Variants in GTF2H2 observed in about 807,000 individuals in gnomAD.
GTF2H2 encodes the protein general transcription factor IIH subunit 2.
Under a neutral mutation model 16.5 loss-of-function variants are expected in GTF2H2, and 2 were observed. The observed-to-expected ratio is 0.12, with a 90% CI of 0.05 to 0.38. The LOEUF is 0.38. GTF2H2 is among the 10% of genes least tolerant of loss of function. GTF2H2 has a pLI of 0.99. For missense variants in GTF2H2, 20 were observed against 137.0 expected (o/e 0.15, Z 4.26); for synonymous variants, 8 against 44.1 (o/e 0.18, Z 3.24).
intron 8 of GTF2H2, among the ~76,000 whole-genome samples, chr5:71,054,700 A>T (rs867112985): frequency 0.01 from 1,168 of 112,554 alleles, 3 homozygotes; most frequent in Admixed American, 0.012. Flanking sequence ...CTCGAAAAAA[A>T]ATATATATAT....
At chr5:71,053,386 A>G (rs1260733029) in intron 8 of GTF2H2, among the ~76,000 whole-genome samples, 1 of 140,954 alleles carries the variant, frequency 7.1e-6, no homozygotes, top group Non-Finnish European at 1.5e-5. Context: ...ACACTTATCA[A>G]TTAAGTCTGT....
At chr5:71,055,019 T>A (rs556914880) in intron 8 of GTF2H2, 2 of 166,626 alleles carry the variant, frequency 1.2e-5, no homozygotes, top group African/African-American at 5.3e-5. Flanking sequence ...AATAAATTAA[T>A]AAATGTTAAT....
intron 8 of GTF2H2, 138 bp downstream of exon 8, chr5:71,055,214 T>G: frequency 1.2e-6 from 1 of 808,814 alleles, no homozygotes; most frequent in South Asian, 2.5e-5. Flanking sequence ...ACACTAAACA[T>G]CATAAATAAC....
intron 7 of GTF2H2, chr5:71,058,236 C>A (rs1753417011): frequency 7.1e-6 from 1 of 140,272 alleles, no homozygotes. Context: ...TAGAAAACTG[C>A]TGGTAACTCG....
chr5:71,054,751 G>GTGTA (rs1297498366), intron 8 of GTF2H2, among the ~76,000 whole-genome samples: 3 of 126,986 alleles, frequency 2.4e-5, no homozygotes, highest in African/African-American at 9.4e-5. Flanking sequence ...GTGTGTGTGT[G>GTGTA]TATATATATA....
intron 7 of GTF2H2, chr5:71,059,328 T>C (rs1753498303): frequency 1.7e-5 from 1 of 60,554 alleles, no homozygotes; most frequent in African/African-American, 5.1e-5. Flanking sequence ...AGGCGGACTT[T>C]GCAGTGATCC....
rs761806429 is a variant in GTF2H2 at position 71,048,131 on chromosome 5, G to GA, written c.650-19dup. 3.7e-3 allele frequency: 1,939 copies of GA among 526,748 alleles called. 37 individuals carry two copies. The highest frequency in any genetic ancestry group is 5.7e-3 in the South Asian group (164 of 28,704). The allele number at this position is 526,748 out of a possible 1,614,324, so 32.6% of individuals were successfully genotyped here. A position where few individuals can be genotyped will look rare whatever the true frequency, so the allele number is the denominator to read the frequency against. Reference sequence around the variant, plus strand: ...GTACGTGCCTAACAAGATGAAAAGGGAAAAAAAAACACCTTCATAGACATA... The same window carrying GA: ...GTACGTGCCTAACAAGATGAAAAGGGAAAAAAAAAACACCTTCATAGACATA... On this transcript the variant is annotated intron_variant, in intron 10 of 15. Transcript: ENST00000274400.
chr5:71,046,268 CTAAT>C (rs1752338285), intron 11 of GTF2H2, among the ~76,000 whole-genome samples: 1 of 100,092 alleles, frequency 1.0e-5, no homozygotes, highest in African/African-American at 4.5e-5. Flanking sequence ...CTAAAGGACT[CTAAT>C]AAATAAATTA....
rs1406474471 is a variant in GTF2H2, at chr5:71,054,749, GTGTATA to G, written c.470+597_470+602del. ...TGTGTGTGTGTGTGTGTGTGTGTGT[GTGTATA>G]TATATAATAGATATATAAGCTTTAA... On this transcript the variant is annotated intron_variant, in intron 8 of 15. Transcript: ENST00000274400. Among the ~76,000 whole-genome samples the G allele has an allele frequency of 1.1e-4, 15 of 130,652 alleles. 1 individual carries two copies. The South Asian group carries it at 1.2e-3, about 10-fold the overall frequency. The allele number at this position is 130,652 out of a possible 152,430, so 85.7% of individuals were successfully genotyped here.
intron 14 of GTF2H2, among the ~76,000 whole-genome samples, chr5:71,039,525 C>G (rs1751944659): frequency 7.1e-6 from 1 of 140,042 alleles, no homozygotes; most frequent in Non-Finnish European, 1.5e-5. Context: ...TTTCTTTGAA[C>G]TATGTCTTTG....
chr5:71,055,276 C>G, intron 8 of GTF2H2, 76 bp downstream of exon 8: 1 of 1,399,222 alleles, frequency 7.1e-7, no homozygotes, highest in South Asian at 1.3e-5. Flanking sequence ...TTTATGGGCC[C>G]CATATTAACA....
In GTF2H2 at chr5:71,037,811, A is replaced by C. The variant is rs1210417128; in HGVS notation, c.1029-265T>G. On this transcript the variant is annotated intron_variant, in intron 14 of 15. Coordinates refer to ENST00000274400, the Ensembl canonical transcript of GTF2H2. The stretch of plus-strand genomic sequence containing the variant: ...ACATGGCGAAACCCCATCTCTACTA[A>C]AAATACAAAAATTAGCTGGGCATGA... 2.8e-5 allele frequency among the ~76,000 whole-genome samples: 2 copies of C among 72,724 alleles called. 1 individual carries two copies. Among genetic ancestry groups the C allele is most frequent in the African/African-American group, 1.0e-4 (2 of 19,418 alleles). The allele number at this position is 72,724 out of a possible 152,430, so 47.7% of individuals were successfully genotyped here. A position where few individuals can be genotyped will look rare whatever the true frequency, so the allele number is the denominator to read the frequency against.
chr5:71,052,918 T>A (rs201478410), intron 8 of GTF2H2, among the ~76,000 whole-genome samples: 1 of 27,228 alleles, frequency 3.7e-5, no homozygotes. Flanking sequence ...CTGGCTAATT[T>A]TTTTTTTTTT....
chr5:71,059,381 T>A, intron 7 of GTF2H2: 2 of 88,948 alleles, frequency 2.2e-5, no homozygotes, highest in East Asian at 6.0e-4. Context: ...AGAGCAAGAC[T>A]CCATCTCCAA....
In GTF2H2 at chr5:71,055,435, C is replaced by T. The variant is rs148721379; in HGVS notation, c.387G>A (p.Thr129=). The change falls in exon 8 of 16, where the codon ACG becomes ACA. Residue 129 remains threonine (T), a synonymous_variant. Coordinates refer to ENST00000274400, the Ensembl canonical transcript of GTF2H2. ...TCATATCCACAGCTTTCTTCAAAGA[C>T]GTTATATGTTTTCTTGGGTTTCCTA... The T allele has an allele frequency of 1.9e-4, 290 of 1,558,378 alleles. 36 individuals carry two copies. In the African/African-American group the frequency reaches 3.2e-3, roughly 17 times the overall value.
At chr5:71,057,560 T>G (rs1167720244) in intron 7 of GTF2H2, among the ~76,000 whole-genome samples, 1 of 92,496 alleles carries the variant, frequency 1.1e-5, no homozygotes, top group African/African-American at 4.3e-5. Context: ...TATTTTAGAT[T>G]CATAAATTTT....
chr5:71,061,271 C>A lies in GTF2H2; in HGVS notation c.171+1G>T, dbSNP rs767086978. The A allele has an allele frequency of 1.3e-5, 18 of 1,400,510 alleles. No homozygotes were observed. The highest frequency in any genetic ancestry group is 1.8e-4 in the Middle Eastern group (1 of 5,576). The allele number at this position is 1,400,510 out of a possible 1,614,324, so 86.8% of individuals were successfully genotyped here. A position where few individuals can be genotyped will look rare whatever the true frequency, so the allele number is the denominator to read the frequency against. ...TAGTAAAAGAAAAAATAATGACATA[C>A]CATTCCAAGTCGAACTTGTCCATGG... is the stretch of plus-strand genomic sequence containing the variant. On this transcript the variant is annotated splice_donor_variant, in intron 4 of 15. Coordinates refer to ENST00000274400, the Ensembl canonical transcript of GTF2H2. LOFTEE classifies it high-confidence loss of function.
rs538894597 is a variant in GTF2H2, at chr5:71,052,167, C to CT, written c.471-3010dup. On this transcript the variant is annotated intron_variant, in intron 8 of 15. Transcript: ENST00000274400. ...TCAGCACTTGCTGCTTCCTCTTGCA[C>CT]TTTTTTTTTCTTTATTTTGAGACGG... Among the ~76,000 whole-genome samples the CT allele has an allele frequency of 7.0e-5, 10 of 142,088 alleles. 1 individual carries two copies. The highest frequency in any genetic ancestry group is 6.4e-4 in the South Asian group (3 of 4,678). The allele number at this position is 142,088 out of a possible 152,430, so 93.2% of individuals were successfully genotyped here. A position where few individuals can be genotyped will look rare whatever the true frequency, so the allele number is the denominator to read the frequency against.
chr5:71,057,418 A>C (rs1340356411), intron 7 of GTF2H2, among the ~76,000 whole-genome samples: 1 of 143,788 alleles, frequency 7.0e-6, no homozygotes, highest in Non-Finnish European at 1.5e-5. Context: ...TCCCTGATTT[A>C]ATTTCTGGGT....
Sources: gnomAD v4.1 joint callset for allele counts (sites outside exome capture counted in the v4.1 genomes callset) on GRCh38, gnomAD v4.1.1 for gene constraint, MANE v1.5 for transcripts, NCBI Gene and HGNC (gene_info 2026-07-23, HGNC 2026-07-21) for gene names.